The following NMNAT2 variants were observed in gnomAD, a reference collection of about 807,000 sequenced individuals.
The protein encoded by NMNAT2 is nicotinamide nucleotide adenylyltransferase 2, also known as nicotinamide/nicotinic acid mononucleotide adenylyltransferase 2.
NMNAT2 carries 11 observed loss-of-function variants against 41.6 expected under a neutral mutation model. The observed-to-expected ratio is 0.26, with a 90% CI of 0.17 to 0.44. NMNAT2 has a LOEUF of 0.44. Among genes scored for constraint, NMNAT2 ranks in the 20% least tolerant of loss-of-function variants. The pLI is 1.00. For missense variants in NMNAT2, 288 were observed against 407.7 expected, an observed-to-expected ratio of 0.71 and a Z score of 2.53; for synonymous variants, 148 against 151.2, an observed-to-expected ratio of 0.98 and a Z score of 0.16.
rs1220328042 is a variant in NMNAT2 at position 183,311,985 on chromosome 1, G to A, written c.86-18192C>T. Among the ~76,000 whole-genome samples the A allele has an allele frequency of 3.9e-5, 6 of 151,966 alleles. No individual in the cohort carries two copies. In the East Asian group the frequency reaches 1.2e-3, roughly 29 times the overall value. ...GTTTCCCTGCACAAGCGCTCTTTTT[G>A]CCTGCTGCCCTCCATGTAAGATGCA... On this transcript the variant is annotated intron_variant, in intron 1 of 10. Coordinates refer to ENST00000287713, the MANE Select transcript of NMNAT2 (RefSeq NM_015039.4).
At chr1:183,335,375 A>G (rs1467463853) in intron 1 of NMNAT2, among the ~76,000 whole-genome samples, 1 of 152,194 alleles carries the variant, frequency 6.6e-6, no homozygotes, top group Non-Finnish European at 1.5e-5. Flanking sequence ...TGCAAATAGG[A>G]AGGAAATAGC....
At chr1:183,391,933 A>C (rs955706420) in intron 1 of NMNAT2, among the ~76,000 whole-genome samples, 3 of 151,682 alleles carry the variant, frequency 2.0e-5, no homozygotes, top group Admixed American at 1.3e-4. Flanking sequence ...CCTCTTCCCC[A>C]TCTCCCCAAT....
chr1:183,284,564 G>T (rs1661351263), intron 6 of NMNAT2, 146 bp downstream of exon 6: 3 of 723,430 alleles, frequency 4.1e-6, no homozygotes, highest in Non-Finnish European at 7.6e-6. Context: ...CTGTGTGGGG[G>T]GATACGTTGT....
At chr1:183,327,716 C>G (rs562040998) in intron 1 of NMNAT2, among the ~76,000 whole-genome samples, 7 of 152,174 alleles carry the variant, frequency 4.6e-5, no homozygotes, top group Admixed American at 2.6e-4. Context: ...TTCTCAGTGC[C>G]ACAAGGACAT....
chr1:183,286,787 C>A lies in NMNAT2; in HGVS notation c.323G>T (p.Arg108Met), dbSNP rs267598227. ...VLEHHRDLMK[R>M]VTGCILSNVN... Reference sequence around the variant, plus strand: ...ATTGGAGAGGATGCAGCCAGTCACCCTCTAGGGAGAGAGAGAAGAGTGTTA... The same window carrying A: ...ATTGGAGAGGATGCAGCCAGTCACCATCTAGGGAGAGAGAGAAGAGTGTTA... The change falls in exon 5 of 11, where the codon AGG becomes ATG. Residue 108 changes from arginine to methionine, a missense_variant and splice_region_variant. By Grantham distance (91) the Arg-to-Met change is moderately conservative (BLOSUM62 -1). Around this residue, in one of 3 missense-constraint regions of NMNAT2, gnomAD observed 100 missense variants for 168.5 expected, o/e 0.59. Coordinates refer to ENST00000287713, the MANE Select transcript of NMNAT2 (RefSeq NM_015039.4). The A allele has an allele frequency of 6.8e-6, 11 of 1,608,896 alleles. No homozygotes were observed. The highest frequency in any genetic ancestry group is 9.3e-6 in the Non-Finnish European group (11 of 1,177,888).
chr1:183,320,918 T>C (rs960125464), intron 1 of NMNAT2, among the ~76,000 whole-genome samples: 13 of 152,218 alleles, frequency 8.5e-5, no homozygotes, highest in African/African-American at 2.9e-4. Flanking sequence ...AGTCATCCCT[T>C]TTTATTTCTT....
rs1018852091 is a variant in NMNAT2, at chr1:183,251,479, G to A, written c.*1162C>T. ...ATTCCAATTAGCAAAGACCTCCAGG[G>A]TTGAGTGGACTCCTAGTGTTTTTTT... On this transcript the variant is annotated 3_prime_UTR_variant, in exon 11 of 11. Transcript: ENST00000287713. 2 of 152,286 alleles carry A rather than the reference G, an allele frequency of 1.3e-5. No individual in the cohort carries two copies. The highest frequency in any genetic ancestry group is 4.8e-5 in the African/African-American group (2 of 41,436). The allele number at this position is 152,286 out of a possible 1,614,324, so 9.4% of individuals were successfully genotyped here. A position where few individuals can be genotyped will look rare whatever the true frequency, so the allele number is the denominator to read the frequency against.
chr1:183,329,194 ATGT>A (rs1244773941), intron 1 of NMNAT2, among the ~76,000 whole-genome samples: 12 of 152,118 alleles, frequency 7.9e-5, no homozygotes, highest in African/African-American at 2.9e-4. Context: ...AGTAACAATC[ATGT>A]TGTTGTATTC....
intron 1 of NMNAT2, among the ~76,000 whole-genome samples, chr1:183,338,015 A>T (rs1008756581): frequency 2.9e-4 from 44 of 152,236 alleles, no homozygotes; most frequent in African/African-American, 1.0e-3. Context: ...TCCCCTCTCT[A>T]AAGAAAGGTT....
intron 1 of NMNAT2, among the ~76,000 whole-genome samples, chr1:183,349,279 T>G (rs945659487): frequency 2.6e-5 from 4 of 152,270 alleles, no homozygotes; most frequent in African/African-American, 9.6e-5. Context: ...TTGCCAAGTT[T>G]AGCTGCCTCC....
intron 1 of NMNAT2, among the ~76,000 whole-genome samples, chr1:183,342,277 G>C (rs1160272357): frequency 6.6e-6 from 1 of 152,060 alleles, no homozygotes; most frequent in Non-Finnish European, 1.5e-5. Context: ...GATTGCTTGA[G>C]ACCAGGGATT....
intron 1 of NMNAT2, among the ~76,000 whole-genome samples, chr1:183,385,285 G>A (rs186290194): frequency 6.6e-6 from 1 of 152,224 alleles, no homozygotes; most frequent in Non-Finnish European, 1.5e-5. Context: ...GTGCCTGCCT[G>A]TTTAGAAAAT....
At chr1:183,407,363 G>A (rs531797146) in intron 1 of NMNAT2, among the ~76,000 whole-genome samples, 4 of 152,186 alleles carry the variant, frequency 2.6e-5, no homozygotes, top group African/African-American at 7.2e-5. Flanking sequence ...CTGGCACCTC[G>A]TGTTTGCTGT....
At chr1:183,280,050 G>C (rs1051554529) in intron 7 of NMNAT2, among the ~76,000 whole-genome samples, 17 of 152,194 alleles carry the variant, frequency 1.1e-4, no homozygotes, top group African/African-American at 4.1e-4. Context: ...CTCTGCTCTT[G>C]CAGCATGGGG....
intron 1 of NMNAT2, among the ~76,000 whole-genome samples, chr1:183,310,061 A>C (rs1177487976): frequency 6.6e-6 from 1 of 152,220 alleles, no homozygotes; most frequent in Non-Finnish European, 1.5e-5. Flanking sequence ...TGTTCTTGGA[A>C]TGTAAAAGAT....
chr1:183,416,745 T>C (rs554431243), intron 1 of NMNAT2, among the ~76,000 whole-genome samples: 1 of 152,306 alleles, frequency 6.6e-6, no homozygotes, highest in East Asian at 1.9e-4. Context: ...ATGAGGTTTT[T>C]AACAAGCGAG....
intron 1 of NMNAT2, among the ~76,000 whole-genome samples, chr1:183,299,091 G>T (rs966362588): frequency 5.3e-5 from 8 of 152,172 alleles, no homozygotes; most frequent in African/African-American, 1.9e-4. Context: ...GAACAAATTG[G>T]CTGGGCACCG....
chr1:183,409,391 A>T (rs1333976286), intron 1 of NMNAT2, among the ~76,000 whole-genome samples: 1 of 152,050 alleles, frequency 6.6e-6, no homozygotes, highest in Non-Finnish European at 1.5e-5. Flanking sequence ...ATCATGACTC[A>T]CTGCAGCCTC....
intron 1 of NMNAT2, among the ~76,000 whole-genome samples, chr1:183,407,845 G>T (rs10494563): frequency 0.095 from 14,501 of 152,238 alleles, 699 homozygotes; most frequent in Admixed American, 0.12. Flanking sequence ...GAAGGAGGTA[G>T]CTATGAAACA....
Sources: allele counts gnomAD v4.1 joint callset (sites outside exome capture counted in the v4.1 genomes callset), GRCh38; gene constraint gnomAD v4.1.1; regional missense constraint gnomAD v4.1.1; transcripts MANE v1.5; gene names NCBI Gene and HGNC (gene_info 2026-07-23, HGNC 2026-07-21).